CCSER1: variants seen among roughly 807,000 people sequenced by gnomAD.
The protein encoded by CCSER1 is coiled-coil serine rich protein 1.
Under a neutral mutation model 82.0 loss-of-function variants are expected in CCSER1, and 41 were observed. The ratio of observed to expected loss-of-function variants is 0.50; its 90% confidence interval spans 0.39 to 0.65. The LOEUF is 0.65. Ranked by LOEUF, CCSER1 falls within the 30% of genes least tolerant of loss-of-function variation. CCSER1 has a pLI of 0.00. For missense variants in CCSER1, 1,119 were observed against 1,064.2 expected (o/e 1.05, Z -0.72); for synonymous variants, 414 against 383.9 (o/e 1.08, Z -0.92).
intron 6 of CCSER1, among the ~76,000 whole-genome samples, chr4:90,713,867 T>A (rs10018598): frequency 6.6e-6 from 1 of 152,146 alleles, no homozygotes; most frequent in Middle Eastern, 3.4e-3. Flanking sequence ...TTTATTCTTG[T>A]CTTCCTGTCT....
intron 1 of CCSER1, among the ~76,000 whole-genome samples, chr4:90,300,787 T>A (rs1388266727): frequency 6.6e-6 from 1 of 152,182 alleles, no homozygotes; most frequent in Non-Finnish European, 1.5e-5. Flanking sequence ...AGGACTGTTT[T>A]ATGCTGTTGG....
chr4:90,185,427 G>T (rs1378945796), intron 1 of CCSER1, among the ~76,000 whole-genome samples: 2 of 152,018 alleles, frequency 1.3e-5, no homozygotes, highest in Admixed American at 1.3e-4. Flanking sequence ...ATTTTTAAAT[G>T]TTGATTTTCA....
intron 3 of CCSER1, among the ~76,000 whole-genome samples, chr4:90,358,299 C>T (rs78537297): frequency 2.4e-4 from 36 of 152,164 alleles, no homozygotes; most frequent in African/African-American, 8.4e-4. Context: ...TCCATGTAGT[C>T]AAAGTGCTTC....
At chr4:90,695,738 A>G (rs1345493071) in intron 6 of CCSER1, among the ~76,000 whole-genome samples, 1 of 152,066 alleles carries the variant, frequency 6.6e-6, no homozygotes, top group Non-Finnish European at 1.5e-5. Context: ...ATTTACTGAT[A>G]TTATTAAGCC....
chr4:90,957,226 C>T lies in CCSER1; in HGVS notation c.2172+33779C>T, dbSNP rs528820227. ...CAAGCAATTCTCTGCCTCAGCCTCC[C>T]GACTACCTGGGATTACAGGCCCCCC... On this transcript the variant is annotated intron_variant, in intron 9 of 10. Transcript: ENST00000509176. Among the ~76,000 whole-genome samples, 1,071 of 134,940 alleles carry T rather than the reference C, an allele frequency of 7.9e-3. 22 individuals are homozygous for T. Among genetic ancestry groups the T allele is most frequent in the African/African-American group, 0.027 (999 of 36,974 alleles). The allele number at this position is 134,940 out of a possible 152,430, so 88.5% of individuals were successfully genotyped here.
At position 91,350,521 on chromosome 4, in the gene CCSER1, G is replaced by A. The variant is rs538845898; in HGVS notation, c.2218-248051G>A. Among the ~76,000 whole-genome samples, 171 of 152,136 alleles carry A rather than the reference G, an allele frequency of 1.1e-3. 1 individual carries two copies. The highest frequency in any genetic ancestry group is 3.9e-3 in the African/African-American group (164 of 41,542). On this transcript the variant is annotated intron_variant, in intron 10 of 10. Coordinates refer to ENST00000509176, the MANE Select transcript of CCSER1 (RefSeq NM_001145065.2). ...ACATTAACTGATATATAACAATAGG[G>A]AACAACTATCACCAGAGGAAAATGA...
At chr4:90,194,746 C>T (rs1294288659) in intron 1 of CCSER1, among the ~76,000 whole-genome samples, 1 of 151,784 alleles carries the variant, frequency 6.6e-6, no homozygotes, top group Non-Finnish European at 1.5e-5. Context: ...CACTTTGTTT[C>T]CCAAAAATTG....
At chr4:90,458,079 G>A (rs547055944) in intron 4 of CCSER1, among the ~76,000 whole-genome samples, 1 of 152,244 alleles carries the variant, frequency 6.6e-6, no homozygotes, top group Non-Finnish European at 1.5e-5. Flanking sequence ...CAGAATCAGG[G>A]AAATTTCAGG....
intron 1 of CCSER1, among the ~76,000 whole-genome samples, chr4:90,279,166 T>C (rs72879747): frequency 0.046 from 6,988 of 152,184 alleles, 414 homozygotes; most frequent in African/African-American, 0.14. Context: ...AAAATCTGTT[T>C]CCTATATTGG....
At chr4:91,089,135 A>C (rs938709463) in intron 10 of CCSER1, among the ~76,000 whole-genome samples, 2 of 152,134 alleles carry the variant, frequency 1.3e-5, no homozygotes, top group Non-Finnish European at 2.9e-5. Flanking sequence ...GTCCCTTTTG[A>C]GGGCTCATAA....
Position 90,647,114 on chromosome 4 carries a change from T to C in CCSER1, c.1932+18882T>C, listed in dbSNP as rs183927145. Among the ~76,000 whole-genome samples the C allele has an allele frequency of 9.5e-4, 144 of 152,304 alleles. 1 individual carries two copies. The highest frequency in any genetic ancestry group is 1.2e-3 in the Non-Finnish European group (83 of 68,022). On this transcript the variant is annotated intron_variant, in intron 6 of 10. Coordinates refer to ENST00000509176, the MANE Select transcript of CCSER1 (RefSeq NM_001145065.2). Reference sequence around the variant, plus strand: ...ATGATAAGCAAGCATTTAGGTTTAATTGAGAATTCTCCTTATCTTATTATA... The same window carrying C: ...ATGATAAGCAAGCATTTAGGTTTAACTGAGAATTCTCCTTATCTTATTATA...
chr4:90,935,797 G>T (rs989177485), intron 9 of CCSER1, among the ~76,000 whole-genome samples: 28 of 152,072 alleles, frequency 1.8e-4, no homozygotes, highest in Admixed American at 4.6e-4. Flanking sequence ...CAGTTTAGAG[G>T]TTACTACTGG....
intron 3 of CCSER1, among the ~76,000 whole-genome samples, chr4:90,318,572 GTAGT>G (rs549620323): frequency 9.8e-5 from 15 of 152,318 alleles, no homozygotes; most frequent in East Asian, 9.6e-4. Context: ...TTAATAAGAA[GTAGT>G]TAGTTGCAGA....
At chr4:91,237,358 G>A (rs1324426043) in intron 10 of CCSER1, among the ~76,000 whole-genome samples, 2 of 150,760 alleles carry the variant, frequency 1.3e-5, no homozygotes, top group Non-Finnish European at 2.9e-5. Flanking sequence ...ACTTGAGAAT[G>A]CATTACCAAA....
chr4:90,624,980 C>T (rs1342953305), intron 5 of CCSER1, among the ~76,000 whole-genome samples: 1 of 152,120 alleles, frequency 6.6e-6, no homozygotes, highest in Non-Finnish European at 1.5e-5. Context: ...ACCACTGTAT[C>T]CAGCTTCAGT....
chr4:90,957,129 G>T (rs2150365610), intron 9 of CCSER1, among the ~76,000 whole-genome samples: 1 of 87,518 alleles, frequency 1.1e-5, no homozygotes, highest in Non-Finnish European at 2.2e-5. Context: ...TTGAGACAGA[G>T]TCTCGCTCTG....
chr4:90,245,421 A>ATGGGTG (rs140353328), intron 1 of CCSER1, among the ~76,000 whole-genome samples: 6,440 of 152,188 alleles, frequency 0.042, 362 homozygotes, highest in African/African-American at 0.13. Context: ...CTCTAAGGTC[A>ATGGGTG]TGGTAGGATC....
intron 10 of CCSER1, among the ~76,000 whole-genome samples, chr4:91,373,264 G>A (rs1389585987): frequency 6.6e-6 from 1 of 151,636 alleles, no homozygotes; most frequent in African/African-American, 2.4e-5. Context: ...TCATGTTATT[G>A]TGCTTTTCTT....
chr4:90,739,763 T>G (rs1327620318), intron 7 of CCSER1, among the ~76,000 whole-genome samples: 1 of 152,166 alleles, frequency 6.6e-6, no homozygotes, highest in Non-Finnish European at 1.5e-5. Context: ...AATGCTAAGT[T>G]CCACAATTAG....
Sources: gnomAD v4.1 joint callset for allele counts (sites outside exome capture counted in the v4.1 genomes callset) on GRCh38, gnomAD v4.1.1 for gene constraint, MANE v1.5 for transcripts, NCBI Gene and HGNC (gene_info 2026-07-23, HGNC 2026-07-21) for gene names.